The following FGD4 variants were observed in gnomAD, a reference collection of about 807,000 sequenced individuals.
FGD4 encodes the protein FYVE, RhoGEF and PH domain-containing protein 4.
In FGD4, 42 loss-of-function variants were observed where a neutral mutation model predicts 102.0. That is an observed-to-expected ratio of 0.41 (90% CI 0.32 to 0.53). The LOEUF is 0.53. Among genes scored for constraint, FGD4 ranks in the 20% least tolerant of loss-of-function variants. The pLI, the probability that FGD4 is intolerant of heterozygous loss-of-function variation, is 0.21. For missense variants in FGD4, 902 were observed against 1,078.2 expected (o/e 0.84, Z 2.29); for synonymous variants, 380 against 375.7 (o/e 1.01, Z -0.13).
At chr12:32,569,199 C>G (rs537467388) in intron 2 of FGD4, among the ~76,000 whole-genome samples, 2 of 152,260 alleles carry the variant, frequency 1.3e-5, no homozygotes, top group South Asian at 4.1e-4. Flanking sequence ...TGATCTCTTG[C>G]CTGAATTTCT....
Position 32,602,208 on chromosome 12 carries a change from T to A in FGD4, c.1295T>A (p.Phe432Tyr), listed in dbSNP as rs1259406545. Residue 432 changes from phenylalanine to tyrosine, a missense_variant, in exon 7 of 17, where the codon TTC (phenylalanine) becomes TAC (tyrosine). By Grantham distance (22) the Phe-to-Tyr change is conservative. Transcript: ENST00000534526. The part of the protein sequence containing the change: ...IGDILQKLAP[F>Y]LKMYGEYVKG... ...GACATCCTTCAGAAATTGGCACCAT[T>A]CCTTAAGATGTATGGAGAATATGTG... is the stretch of plus-strand genomic sequence containing the variant. The A allele has an allele frequency of 6.2e-7, 1 of 1,614,110 alleles. No individual in the cohort carries two copies. Among genetic ancestry groups the A allele is most frequent in the East Asian group, 2.2e-5 (1 of 44,864 alleles).
chr12:32,438,594 TTTTGTTTG>T (rs58806276), intron 1 of FGD4, among the ~76,000 whole-genome samples: 1 of 58,068 alleles, frequency 1.7e-5, no homozygotes, highest in Non-Finnish European at 3.3e-5. Context: ...AAAACATGTT[TTTTGTTTG>T]TTTGTTTGTG....
chr12:32,583,292 G>A (rs528933677), intron 4 of FGD4, among the ~76,000 whole-genome samples: 2 of 152,258 alleles, frequency 1.3e-5, no homozygotes, highest in African/African-American at 4.8e-5. Flanking sequence ...AGCCATGATT[G>A]TGCCACTGCA....
chr12:32,402,290 T>C (rs1269022218), intron 1 of FGD4, among the ~76,000 whole-genome samples: 1 of 151,714 alleles, frequency 6.6e-6, no homozygotes, highest in Non-Finnish European at 1.5e-5. Flanking sequence ...AAATGACCCC[T>C]TGTGGACTGA....
intron 1 of FGD4, among the ~76,000 whole-genome samples, chr12:32,545,873 T>C (rs1025880963): frequency 6.6e-6 from 1 of 152,238 alleles, no homozygotes; most frequent in African/African-American, 2.4e-5. Context: ...GAGGAAATGC[T>C]TGAAGTCTGT....
At chr12:32,451,792 C>A (rs533770541) in intron 1 of FGD4, among the ~76,000 whole-genome samples, 15 of 132,112 alleles carry the variant, frequency 1.1e-4, no homozygotes, top group Non-Finnish European at 2.2e-4. Flanking sequence ...TGAGATCACT[C>A]CATTGCACTC....
At chr12:32,408,264 G>A (rs142346240) in intron 1 of FGD4, among the ~76,000 whole-genome samples, 311 of 151,514 alleles carry the variant, frequency 2.1e-3, no homozygotes, top group Non-Finnish European at 3.8e-3. Context: ...TGCCTCCCGG[G>A]TTCAAGCAAT....
intron 1 of FGD4, among the ~76,000 whole-genome samples, chr12:32,472,394 C>G (rs1298181096): frequency 6.9e-6 from 1 of 144,264 alleles, no homozygotes; most frequent in Non-Finnish European, 1.5e-5. Context: ...AGCAGCCAGC[C>G]AGCCCTGCTG....
intron 1 of FGD4, chr12:32,511,799 A>G (rs1473589790): frequency 1.3e-5 from 2 of 152,114 alleles, no homozygotes; most frequent in African/African-American, 2.4e-5. Flanking sequence ...AAGTAAAGCA[A>G]TATTAAAGGT....
intron 10 of FGD4, among the ~76,000 whole-genome samples, chr12:32,611,901 C>A (rs1184654879): frequency 6.6e-6 from 1 of 152,202 alleles, no homozygotes; most frequent in Admixed American, 6.5e-5. Context: ...TCTCAGGGGC[C>A]CGGGAAGCCC....
rs1226356912 is a variant in FGD4 at position 32,619,633 on chromosome 12, A to G, written c.1750-65A>G. On this transcript the variant is annotated intron_variant, in intron 10 of 16. Transcript: ENST00000534526. ...GGCAACAGAGTGAGACTCTGTCTCA[A>G]AAAAAAACCTGATCAGTTTCCCCTA... 4 of 1,590,686 alleles carry G rather than the reference A, an allele frequency of 2.5e-6. No individual in the cohort carries two copies. In the African/African-American group the frequency reaches 4.0e-5, roughly 16 times the overall value.
intron 1 of FGD4, chr12:32,502,058 C>T (rs1295317754): frequency 4.1e-6 from 4 of 985,430 alleles, no homozygotes; most frequent in Non-Finnish European, 4.8e-6. Context: ...ACAAAGACAG[C>T]GATTGTTACC....
At chr12:32,416,489 AT>A (rs1439350756) in intron 1 of FGD4, among the ~76,000 whole-genome samples, 1 of 151,378 alleles carries the variant, frequency 6.6e-6, no homozygotes, top group East Asian at 1.9e-4. Context: ...ATTTCTTTTT[AT>A]TTTTTGGGTG....
chr12:32,549,960 T>C lies in FGD4; in HGVS notation c.167-14177T>C, dbSNP rs111526251. On this transcript the variant is annotated intron_variant, in intron 1 of 16. Coordinates refer to ENST00000534526, the MANE Select transcript of FGD4 (RefSeq NM_001370298.3). ...TCCAGCGTTCCTCTTCTCTTCCCCC[T>C]CGGCACGGCCTTACTTCTGGTCTCA... Among the ~76,000 whole-genome samples, 1,103 of 152,342 alleles carry C rather than the reference T, an allele frequency of 7.2e-3. 12 individuals are homozygous for C. The highest frequency in any genetic ancestry group is 0.026 in the African/African-American group (1,061 of 41,568).
chr12:32,433,576 A>T (rs529772367), intron 1 of FGD4, among the ~76,000 whole-genome samples: 2 of 152,022 alleles, frequency 1.3e-5, no homozygotes, highest in South Asian at 4.2e-4. Flanking sequence ...ACCTCAGGTG[A>T]TCCGCCCACC....
chr12:32,444,896 G>A (rs1942567136), intron 1 of FGD4, among the ~76,000 whole-genome samples: 1 of 152,156 alleles, frequency 6.6e-6, no homozygotes, highest in South Asian at 2.1e-4. Context: ...ATTGTGTAAT[G>A]AATATATTTG....
At chr12:32,598,820 T>A (rs543206800) in intron 5 of FGD4, among the ~76,000 whole-genome samples, 1 of 152,246 alleles carries the variant, frequency 6.6e-6, no homozygotes, top group African/African-American at 2.4e-5. Flanking sequence ...AAAATGTGTT[T>A]ATCAAGTGTC....
chr12:32,518,821 A>G (rs1940180122), intron 1 of FGD4, among the ~76,000 whole-genome samples: 1 of 151,992 alleles, frequency 6.6e-6, no homozygotes, highest in Non-Finnish European at 1.5e-5. Flanking sequence ...TACAAAAGAA[A>G]AAAAAAACAA....
At chr12:32,513,086 T>C (rs1300598310) in intron 1 of FGD4, among the ~76,000 whole-genome samples, 2 of 152,170 alleles carry the variant, frequency 1.3e-5, no homozygotes, top group East Asian at 3.9e-4. Context: ...CTACAATGTA[T>C]GATGCAAGGT....
Sources: gnomAD v4.1 joint callset for allele counts (sites outside exome capture counted in the v4.1 genomes callset) on GRCh38, gnomAD v4.1.1 for gene constraint, MANE v1.5 for transcripts, NCBI Gene and HGNC (gene_info 2026-07-23, HGNC 2026-07-21) for gene names.